The following CHD1 variants were observed in gnomAD, a reference collection of about 807,000 sequenced individuals.
CHD1 encodes ATP-dependent chromatin remodeler CHD1.
A neutral mutation model predicts 224.2 loss-of-function variants in CHD1; 36 were observed. That is an observed-to-expected ratio of 0.16 (90% CI 0.12 to 0.21). CHD1 has a LOEUF of 0.21. Among genes scored for constraint, CHD1 ranks in the 10% least tolerant of loss-of-function variants. CHD1 has a pLI of 1.00. For missense variants in CHD1, 1,378 were observed against 1,994.8 expected, an observed-to-expected ratio of 0.69 and a Z score of 5.89; for synonymous variants, 668 against 658.3, an observed-to-expected ratio of 1.01 and a Z score of -0.23.
intron 2 of CHD1, among the ~76,000 whole-genome samples, chr5:98,908,886 T>C (rs192754403): frequency 4.6e-5 from 7 of 152,290 alleles, no homozygotes; most frequent in Non-Finnish European, 7.4e-5. Context: ...GATAAAATTA[T>C]AGTGTTTTCT....
At chr5:98,868,717 T>C (rs894010181) in intron 30 of CHD1, 82 bp from the exon 31 acceptor site, 3 of 1,273,332 alleles carry the variant, frequency 2.4e-6, no homozygotes, top group Non-Finnish European at 3.2e-6. Context: ...AGAAAATAAT[T>C]ACTGTCTCAT....
intron 2 of CHD1, among the ~76,000 whole-genome samples, chr5:98,905,415 C>T (rs1751985260): frequency 6.6e-6 from 1 of 152,142 alleles, no homozygotes; most frequent in East Asian, 1.9e-4. Context: ...AGTACAAAAT[C>T]CTGGGTTAGA....
chr5:98,923,032 T>C lies in CHD1; in HGVS notation c.53+3302A>G, dbSNP rs376777417. 1.8e-4 allele frequency among the ~76,000 whole-genome samples: 28 copies of C among 152,334 alleles called. No homozygotes were observed. The East Asian group carries it at 3.1e-3, about 17-fold the overall frequency. The stretch of plus-strand genomic sequence containing the variant: ...TACTCTATATTAATATTCATAGTTA[T>C]AGAAACTTTAGTTTTTTTTGCAAGA... On this transcript the variant is annotated intron_variant, in intron 2 of 35. Coordinates refer to ENST00000614616, the MANE Select transcript of CHD1 (RefSeq NM_001270.4).
chr5:98,896,566 C>T (rs1314635786), intron 11 of CHD1, 124 bp from the exon 12 acceptor site: 5 of 632,334 alleles, frequency 7.9e-6, no homozygotes, highest in Middle Eastern at 4.3e-4. Flanking sequence ...ATAGAATATA[C>T]CACTTTTATT....
chr5:98,910,776 T>A (rs2112580049), intron 2 of CHD1, among the ~76,000 whole-genome samples: 1 of 152,238 alleles, frequency 6.6e-6, no homozygotes, highest in East Asian at 1.9e-4. Flanking sequence ...GACATATTAT[T>A]CTTTGTGAAA....
chr5:98,907,355 G>A (rs1580489319), intron 2 of CHD1, among the ~76,000 whole-genome samples: 1 of 152,272 alleles, frequency 6.6e-6, no homozygotes, highest in Non-Finnish European at 1.5e-5. Flanking sequence ...TTGGAAGGCA[G>A]AGGGGGGCGG....
chr5:98,887,198 T>G (rs1429478562), intron 17 of CHD1, among the ~76,000 whole-genome samples: 3 of 152,152 alleles, frequency 2.0e-5, no homozygotes, highest in Non-Finnish European at 4.4e-5. Flanking sequence ...CTAATGGTAC[T>G]CTTCTACGTT....
chr5:98,919,684 A>T (rs1261329815), intron 2 of CHD1, among the ~76,000 whole-genome samples: 1 of 152,242 alleles, frequency 6.6e-6, no homozygotes, highest in African/African-American at 2.4e-5. Flanking sequence ...TGAACCCTAT[A>T]GCACAGGATT....
In CHD1 at chr5:98,869,622, G is replaced by GCACACA. The variant is rs113502266; in HGVS notation, c.4107+126_4107+131dup. 2,320 of 717,804 alleles carry GCACACA rather than the reference G, an allele frequency of 3.2e-3. 3 individuals are homozygous for GCACACA. Among genetic ancestry groups the GCACACA allele is most frequent in the Admixed American group, 6.0e-3 (206 of 34,372 alleles). The allele number at this position is 717,804 out of a possible 1,614,324, so 44.5% of individuals were successfully genotyped here. On this transcript the variant is annotated intron_variant, in intron 30 of 35. Coordinates refer to ENST00000614616, the MANE Select transcript of CHD1 (RefSeq NM_001270.4). ...TATAAGTGCGTGCGCACGTGCGCGCGCACACACACACACACACACACACAC... is the reference window on the plus strand; with the variant it reads ...TATAAGTGCGTGCGCACGTGCGCGCGCACACACACACACACACACACACACACACAC...
intron 13 of CHD1, 92 bp downstream of exon 13, chr5:98,894,505 G>A: frequency 9.2e-6 from 4 of 436,508 alleles, no homozygotes; most frequent in Non-Finnish European, 1.3e-5. Context: ...GCTGACTCAC[G>A]ATTTAGGCTA....
At chr5:98,880,042 T>G (rs547960188) in intron 22 of CHD1, among the ~76,000 whole-genome samples, 1 of 152,306 alleles carries the variant, frequency 6.6e-6, no homozygotes, top group Admixed American at 6.5e-5. Flanking sequence ...CTAAATAATC[T>G]GCAGAAATTC....
chr5:98,882,004 T>C lies in CHD1; in HGVS notation c.2838A>G (p.Thr946=), dbSNP rs969598192. The C allele has an allele frequency of 1.2e-6, 2 of 1,613,774 alleles. No individual in the cohort carries two copies. Among genetic ancestry groups the C allele is most frequent in the African/African-American group, 1.3e-5 (1 of 74,938 alleles). The change falls in exon 20 of 36, where the codon ACA becomes ACG. Residue 946 remains threonine, a synonymous_variant. Transcript: ENST00000614616. The part of the protein sequence containing the change: ...VIQRMDTTGK[T]VLHTGSAPSS... ...ATGGGGCAGAACCTGTATGTAGTAC[T>C]GTCTTCCCAGTTGTGTCCATTCTTT...
At position 98,924,476 on chromosome 5, in the gene CHD1, C is replaced by T. The variant is rs114167471; in HGVS notation, c.53+1858G>A. ...AATGAAACTTCAATATCAGTTCAAT[C>T]CTTAGAGTTGAGGCAATCATATGAG... On this transcript the variant is annotated intron_variant, in intron 2 of 35. Transcript: ENST00000614616. Among the ~76,000 whole-genome samples, 250 of 152,256 alleles carry T rather than the reference C, an allele frequency of 1.6e-3. 1 individual carries two copies. The highest frequency in any genetic ancestry group is 5.8e-3 in the African/African-American group (240 of 41,546).
chr5:98,895,296 T>C (rs1348798190), intron 12 of CHD1, among the ~76,000 whole-genome samples: 2 of 152,222 alleles, frequency 1.3e-5, no homozygotes, highest in Non-Finnish European at 2.9e-5. Context: ...GTAATGTTTA[T>C]GGATGAAATA....
intron 2 of CHD1, among the ~76,000 whole-genome samples, chr5:98,913,099 G>A (rs113005073): frequency 1.6e-3 from 245 of 152,270 alleles, no homozygotes; most frequent in African/African-American, 5.4e-3. Context: ...AAAGAATACA[G>A]GATAGTGTAC....
At chr5:98,865,821 A>G (rs1253232180) in intron 31 of CHD1, among the ~76,000 whole-genome samples, 2 of 152,242 alleles carry the variant, frequency 1.3e-5, no homozygotes, top group African/African-American at 4.8e-5. Flanking sequence ...GAACTATTCC[A>G]GTCTTCATTT....
chr5:98,868,773 T>G, intron 30 of CHD1, 138 bp from the exon 31 acceptor site: 1 of 875,762 alleles, frequency 1.1e-6, no homozygotes, highest in South Asian at 2.2e-5. Flanking sequence ...TCATCTATTT[T>G]AATTTGTTTT....
intron 1 of CHD1, among the ~76,000 whole-genome samples, 168 bp downstream of exon 1, chr5:98,928,371 C>A (rs1753637778): frequency 6.6e-6 from 1 of 152,084 alleles, no homozygotes; most frequent in African/African-American, 2.4e-5. Flanking sequence ...GCCGCTCACA[C>A]GCCCCCTGCG....
intron 19 of CHD1, 23 bp from the exon 20 acceptor site, chr5:98,882,146 A>G (rs1190764287): frequency 1.2e-6 from 2 of 1,603,660 alleles, no homozygotes; most frequent in South Asian, 2.2e-5. Context: ...ACATGAGGAA[A>G]CAAATTGCAG....
Sources: allele counts gnomAD v4.1 joint callset (sites outside exome capture counted in the v4.1 genomes callset), GRCh38; gene constraint gnomAD v4.1.1; transcripts MANE v1.5; gene names NCBI Gene and HGNC (gene_info 2026-07-23, HGNC 2026-07-21).